The following ARHGAP39 variants were observed in gnomAD, a reference collection of about 807,000 sequenced individuals.
ARHGAP39 encodes the protein rho GTPase-activating protein 39.
A neutral mutation model predicts 106.9 loss-of-function variants in ARHGAP39; 44 were observed. The ratio of observed to expected loss-of-function variants is 0.41; its 90% CI spans 0.32 to 0.53. The LOEUF is 0.53. Among genes scored for constraint, ARHGAP39 ranks in the 20% least tolerant of loss-of-function variants. ARHGAP39 has a pLI of 0.21. For missense variants in ARHGAP39, 1,496 were observed against 1,577.3 expected (o/e 0.95, Z 0.87); for synonymous variants, 768 against 693.2 (o/e 1.11, Z -1.69).
chr8:144,532,365 G>C lies in ARHGAP39; in HGVS notation c.2920C>G (p.Leu974Val). 1 of 1,612,914 alleles carries C rather than the reference G, an allele frequency of 6.2e-7. No homozygotes were observed. The highest frequency in any genetic ancestry group is 8.5e-7 in the Non-Finnish European group (1 of 1,179,746). ...VPGDIDEVNA[L>V]KLQVDQWKVP... ...TTCCACTGGTCCACCTGCAGCTTCA[G>C]GGCATTCACCTCGTCAATGTCCCCA... is the stretch of plus-strand genomic sequence containing the variant. Residue 974 changes from leucine (L) to valine (V), a missense_variant, in exon 10 of 12, where the codon CTG becomes GTG. Transcript: ENST00000377307.
chr8:144,660,518 AAAGTT>A (rs1191808323), intron 1 of ARHGAP39, among the ~76,000 whole-genome samples: 9 of 152,172 alleles, frequency 5.9e-5, no homozygotes, highest in African/African-American at 1.9e-4. Context: ...TGCTTAAAGT[AAAGTT>A]GAGTAATATT....
chr8:144,602,171 G>GTGCA (rs1820018279), intron 2 of ARHGAP39, among the ~76,000 whole-genome samples: 2 of 139,262 alleles, frequency 1.4e-5, no homozygotes, highest in Admixed American at 7.3e-5. Flanking sequence ...GCGTGGAGGC[G>GTGCA]TGTGTGCTCG....
intron 9 of ARHGAP39, 44 bp from the exon 10 acceptor site, chr8:144,532,440 GC>G: frequency 6.4e-7 from 1 of 1,551,266 alleles, no homozygotes; most frequent in Non-Finnish European, 8.8e-7. Context: ...AGCCTGTGCT[GC>G]GGCTTCATGA....
intron 1 of ARHGAP39, among the ~76,000 whole-genome samples, chr8:144,608,183 GAAA>G (rs1820367893): frequency 6.9e-6 from 1 of 144,534 alleles, no homozygotes; most frequent in Non-Finnish European, 1.5e-5. Context: ...AAAAAAAAAG[GAAA>G]AAGAAGAAGA....
chr8:144,588,306 G>C (rs980891454), intron 2 of ARHGAP39, among the ~76,000 whole-genome samples: 8 of 152,284 alleles, frequency 5.3e-5, no homozygotes, highest in Non-Finnish European at 5.9e-5. Context: ...GCTGTGCGCT[G>C]CATTGAGGCT....
At chr8:144,530,641 C>T (rs748948547) in intron 11 of ARHGAP39, 25 bp from the exon 12 acceptor site, 10 of 299,128 alleles carry the variant, frequency 3.3e-5, no homozygotes, top group Non-Finnish European at 3.9e-5. Context: ...AGGGTGGGCG[C>T]GGAGGGGCGG....
intron 1 of ARHGAP39, among the ~76,000 whole-genome samples, chr8:144,614,150 T>C (rs530270011): frequency 2.0e-5 from 3 of 152,350 alleles, no homozygotes; most frequent in South Asian, 2.1e-4. Context: ...CTGTTGCTCT[T>C]TGAACATATG....
Position 144,575,541 on chromosome 8 carries a change from A to C in ARHGAP39, c.512+5305T>G, listed in dbSNP as rs573650626. On this transcript the variant is annotated intron_variant, in intron 3 of 11. Coordinates refer to ENST00000377307, the MANE Select transcript of ARHGAP39 (RefSeq NM_025251.3). ...GGCCTACCCATGCTCAGGATCATCA[A>C]CACCACCGTCTTCCCATTGCCACAT... Among the ~76,000 whole-genome samples the C allele has an allele frequency of 1.5e-3, 235 of 152,222 alleles. 1 individual carries two copies. The highest frequency in any genetic ancestry group is 5.3e-3 in the African/African-American group (221 of 41,528).
chr8:144,570,853 C>T (rs1267815077), intron 3 of ARHGAP39, among the ~76,000 whole-genome samples: 1 of 152,152 alleles, frequency 6.6e-6, no homozygotes, highest in Non-Finnish European at 1.5e-5. Context: ...ACTATAAACA[C>T]CTCTACACAA....
At chr8:144,676,693 G>T (rs981114776) in intron 1 of ARHGAP39, among the ~76,000 whole-genome samples, 2 of 152,204 alleles carry the variant, frequency 1.3e-5, no homozygotes, top group Admixed American at 1.3e-4. Context: ...GAGGAAGCTC[G>T]TCCCAGATCA....
chr8:144,610,370 T>A (rs1283029361), intron 1 of ARHGAP39, among the ~76,000 whole-genome samples: 2 of 152,198 alleles, frequency 1.3e-5, no homozygotes, highest in Non-Finnish European at 2.9e-5. Context: ...CTTTCCTTTT[T>A]CTAATTTCCT....
chr8:144,568,486 C>T (rs1818480304), intron 3 of ARHGAP39, among the ~76,000 whole-genome samples: 1 of 152,016 alleles, frequency 6.6e-6, no homozygotes, highest in Non-Finnish European at 1.5e-5. Context: ...AAATCTGGAT[C>T]TACACAAGCA....
chr8:144,619,953 T>C (rs1820751072), intron 1 of ARHGAP39, among the ~76,000 whole-genome samples: 3 of 148,236 alleles, frequency 2.0e-5, no homozygotes, highest in Non-Finnish European at 3.0e-5. Context: ...AGAGCATGTG[T>C]GCCTGTGTGC....
chr8:144,601,856 G>A (rs1218012083), intron 2 of ARHGAP39, among the ~76,000 whole-genome samples: 1 of 142,556 alleles, frequency 7.0e-6, no homozygotes, highest in African/African-American at 2.7e-5. Context: ...TGTGCGTAGA[G>A]GTGTGTGTGC....
At chr8:144,560,731 T>C (rs2130866368) in intron 3 of ARHGAP39, among the ~76,000 whole-genome samples, 1 of 152,342 alleles carries the variant, frequency 6.6e-6, no homozygotes, top group East Asian at 1.9e-4. Flanking sequence ...ATGAATATCA[T>C]GTTCCTGAGG....
At position 144,630,205 on chromosome 8, in the gene ARHGAP39, A is replaced by G. The variant is rs554046180; in HGVS notation, c.-81-24510T>C. Among the ~76,000 whole-genome samples, 37 of 152,070 alleles carry G rather than the reference A, an allele frequency of 2.4e-4. No homozygotes were observed. In the South Asian group the frequency reaches 6.6e-3, roughly 27 times the overall value. ...GCTAGGCCCCCACCCGGCACTGTCC[A>G]GCTCCTCCTCACTGCCCCACCACAA... On this transcript the variant is annotated intron_variant, in intron 1 of 11. Coordinates refer to ENST00000377307, the MANE Select transcript of ARHGAP39 (RefSeq NM_025251.3).
chr8:144,594,123 T>C (rs1819509372), intron 2 of ARHGAP39, among the ~76,000 whole-genome samples: 1 of 149,414 alleles, frequency 6.7e-6, no homozygotes, highest in South Asian at 2.1e-4. Context: ...AATACCCCAG[T>C]TTAAAGATGG....
Position 144,530,264 on chromosome 8 carries a change from G to T in ARHGAP39, c.*158C>A. The stretch of plus-strand genomic sequence containing the variant: ...TGCCCTGGCTGCACCCTCAGACCAG[G>T]CAGAAGACGTGGGGAGCGCCGGGGC... On this transcript the variant is annotated 3_prime_UTR_variant, in exon 12 of 12. Coordinates refer to ENST00000377307, the MANE Select transcript of ARHGAP39 (RefSeq NM_025251.3). 1 of 796,204 alleles carries T rather than the reference G, an allele frequency of 1.3e-6. No homozygotes were observed. The highest frequency in any genetic ancestry group is 1.9e-6 in the Non-Finnish European group (1 of 514,710). 49.3% of individuals were successfully genotyped at this position (796,204 alleles called of 1,614,324 possible).
At position 144,670,517 on chromosome 8, in the gene ARHGAP39, C is replaced by G. The variant is rs184472057; in HGVS notation, c.-82+15169G>C. On this transcript the variant is annotated intron_variant, in intron 1 of 11. Coordinates refer to ENST00000377307, the MANE Select transcript of ARHGAP39 (RefSeq NM_025251.3). The surrounding 1 kb of genome is among the most constrained non-coding windows in gnomAD (Gnocchi z 4.4). Reference sequence around the variant, plus strand: ...TGTGCTCCGGACATAAAAGCCTGGGCAAGGCTTCAAGAAGACTATTTTGGG... The same window carrying G: ...TGTGCTCCGGACATAAAAGCCTGGGGAAGGCTTCAAGAAGACTATTTTGGG... 2.0e-5 allele frequency among the ~76,000 whole-genome samples: 3 copies of G among 152,302 alleles called. No homozygotes were observed. In the East Asian group the frequency reaches 5.8e-4, roughly 29 times the overall value.
Sources: gnomAD v4.1 joint callset for allele counts (sites outside exome capture counted in the v4.1 genomes callset) on GRCh38, gnomAD v4.1.1 for gene constraint, Gnocchi (gnomAD v3.1) non-coding constraint, MANE v1.5 for transcripts, NCBI Gene and HGNC (gene_info 2026-07-23, HGNC 2026-07-21) for gene names.